The following ZC3H11A variants were observed in gnomAD, a reference collection of about 807,000 sequenced individuals.
ZC3H11A encodes the protein zinc finger CCCH-type containing 11A.
A neutral mutation model predicts 90.8 loss-of-function variants in ZC3H11A; 22 were observed. That is an observed-to-expected ratio of 0.24 (90% CI 0.17 to 0.35). The LOEUF is 0.35. ZC3H11A is among the 10% of genes least tolerant of loss of function. The pLI, the probability that ZC3H11A is intolerant of heterozygous loss-of-function variation, is 1.00. For missense variants in ZC3H11A, 701 were observed against 964.9 expected (o/e 0.73, Z 3.62); for synonymous variants, 294 against 339.8 (o/e 0.87, Z 1.48).
chr1:203,797,198 C>T, intron 1 of ZC3H11A: 1 of 176,590 alleles, frequency 5.7e-6, no homozygotes, highest in Non-Finnish European at 1.2e-5. Flanking sequence ...TGGCTTCTAG[C>T]TGCTACTAAC....
rs562423944 is a variant in ZC3H11A, at chr1:203,828,253, C to T, written c.175-46C>T. 8.3e-5 allele frequency: 134 copies of T among 1,610,350 alleles called. 1 individual carries two copies. The South Asian group carries it at 1.3e-3, about 16-fold the overall frequency. ...GAAAACAAACTGCCACATGAATATA[C>T]GTATCACTGTTTTATTTGAAAGCAA... On this transcript the variant is annotated intron_variant, in intron 4 of 17. Coordinates refer to ENST00000367210, the MANE Select transcript of ZC3H11A (RefSeq NM_001376342.1).
chr1:203,802,839 T>C lies in ZC3H11A; in HGVS notation c.-323T>C, dbSNP rs1670965273. ...ATCTCCCAGTAGTTGGGAGATGTTT[T>C]AAAAACACATGCTGTGTTTGAATTG... On this transcript the variant is annotated 5_prime_UTR_variant, in exon 2 of 18. It removes the in-frame stop codon of an upstream open reading frame in the 5' UTR. Coordinates refer to ENST00000367210, the MANE Select transcript of ZC3H11A (RefSeq NM_001376342.1). 6.6e-6 allele frequency: 1 copy of C among 152,522 alleles called. No individual in the cohort carries two copies. The highest frequency in any genetic ancestry group is 6.6e-5 in the Admixed American group (1 of 15,250). 9.4% of individuals were successfully genotyped at this position (152,522 alleles called of 1,614,324 possible).
chr1:203,816,029 C>T (rs142983012), intron 2 of ZC3H11A, among the ~76,000 whole-genome samples: 16 of 152,234 alleles, frequency 1.1e-4, no homozygotes, highest in Non-Finnish European at 1.9e-4. Context: ...CACCTCTAGT[C>T]GTCTTCATTA....
intron 1 of ZC3H11A, chr1:203,798,633 C>G (rs1404128284): frequency 6.5e-7 from 1 of 1,535,956 alleles, no homozygotes; most frequent in South Asian, 1.2e-5. Context: ...TTCAGATGAA[C>G]CTATGTTAGA....
rs548058070 is a variant in ZC3H11A at position 203,842,355 on chromosome 1, G to A, written c.1042+1981G>A. Among the ~76,000 whole-genome samples, 456 of 152,280 alleles carry A rather than the reference G, an allele frequency of 3.0e-3. 2 individuals carry two copies. The highest frequency in any genetic ancestry group is 9.9e-3 in the African/African-American group (410 of 41,560). ...ACTCCGTCTGCAATCCCGGCACCTC[G>A]GGAGGCTGAGGCAGGCAGATCACTC... On this transcript the variant is annotated intron_variant, in intron 12 of 17. Coordinates refer to ENST00000367210, the MANE Select transcript of ZC3H11A (RefSeq NM_001376342.1).
chr1:203,795,845 G>C (rs1467314574), intron 1 of ZC3H11A, 51 bp downstream of exon 1: 1 of 151,978 alleles, frequency 6.6e-6, no homozygotes, highest in Non-Finnish European at 1.5e-5. Context: ...CCGGGGAGGT[G>C]GGGGAGAGGG....
At position 203,815,758 on chromosome 1, in the gene ZC3H11A, T is replaced by C. The variant is rs548154057; in HGVS notation, c.-145-1168T>C. On this transcript the variant is annotated intron_variant, in intron 2 of 17. Transcript: ENST00000367210. ...CATTAGGAATTATTAGTGGGAGATA[T>C]GACTGAATTTGATTTAATTGATTTC... Among the ~76,000 whole-genome samples, 32 of 152,282 alleles carry C rather than the reference T, an allele frequency of 2.1e-4. 1 individual carries two copies. Among genetic ancestry groups the C allele is most frequent in the Admixed American group, 3.9e-4 (6 of 15,288 alleles).
chr1:203,827,488 GGCT>G (rs1680918643), intron 4 of ZC3H11A, among the ~76,000 whole-genome samples: 1 of 151,638 alleles, frequency 6.6e-6, no homozygotes, highest in African/African-American at 2.4e-5. Context: ...AGACCATCCT[GGCT>G]AACATGGTAA....
intron 2 of ZC3H11A, among the ~76,000 whole-genome samples, chr1:203,814,569 G>A (rs977146854): frequency 2.6e-5 from 4 of 151,440 alleles, no homozygotes; most frequent in Non-Finnish European, 5.9e-5. Flanking sequence ...CCAATAACAC[G>A]ATCCTAATTT....
intron 12 of ZC3H11A, among the ~76,000 whole-genome samples, chr1:203,843,077 A>G (rs1686918028): frequency 6.6e-6 from 1 of 152,172 alleles, no homozygotes; most frequent in Non-Finnish European, 1.5e-5. Flanking sequence ...TTAGCATCAT[A>G]AAAAGGGAGT....
intron 11 of ZC3H11A, among the ~76,000 whole-genome samples, chr1:203,839,915 T>C (rs1360384142): frequency 6.6e-6 from 1 of 152,118 alleles, no homozygotes; most frequent in Non-Finnish European, 1.5e-5. Context: ...ACGATTCTCC[T>C]GTCTCAGCCT....
At chr1:203,850,387 G>T in intron 15 of ZC3H11A, 128 bp from the exon 16 acceptor site, 5 of 1,413,422 alleles carry the variant, frequency 3.5e-6, no homozygotes, top group Non-Finnish European at 5.0e-6. Flanking sequence ...ATCGTTTTCA[G>T]TCTCTTTTTA....
intron 1 of ZC3H11A, chr1:203,797,515 T>G (rs1273996087): frequency 6.7e-7 from 1 of 1,487,036 alleles, no homozygotes. Flanking sequence ...TGTGGAGACA[T>G]AAAGAGAATG....
At chr1:203,819,638 G>A (rs576810596) in intron 4 of ZC3H11A, among the ~76,000 whole-genome samples, 2 of 148,340 alleles carry the variant, frequency 1.3e-5, no homozygotes, top group African/African-American at 2.5e-5. Context: ...TAGTTCAAGC[G>A]GTTCTCCTGC....
chr1:203,833,925 C>A, intron 10 of ZC3H11A, 72 bp downstream of exon 10: 1 of 1,529,328 alleles, frequency 6.5e-7, no homozygotes. Flanking sequence ...TCTCCAAACT[C>A]TTTTTATACA....
chr1:203,818,716 A>G (rs1677190992), intron 4 of ZC3H11A, 27 bp downstream of exon 4: 2 of 1,613,784 alleles, frequency 1.2e-6, no homozygotes, highest in Non-Finnish European at 1.7e-6. Context: ...CGTTATCATA[A>G]TAAGTAGTCT....
intron 9 of ZC3H11A, among the ~76,000 whole-genome samples, chr1:203,833,576 G>C (rs1185343244): frequency 6.9e-6 from 1 of 145,650 alleles, no homozygotes; most frequent in Admixed American, 6.9e-5. Flanking sequence ...TATTGCTTCT[G>C]TTTAGGCTGT....
chr1:203,844,409 T>C (rs1687325899), intron 12 of ZC3H11A, among the ~76,000 whole-genome samples: 1 of 152,220 alleles, frequency 6.6e-6, no homozygotes, highest in Non-Finnish European at 1.5e-5. Flanking sequence ...CCTCAAGTGA[T>C]CTGCCTGCCT....
At chr1:203,800,894 C>G (rs779405864) in intron 1 of ZC3H11A, 1 of 153,050 alleles carries the variant, frequency 6.5e-6, no homozygotes, top group Non-Finnish European at 1.5e-5. Context: ...TCCTTAAAAA[C>G]CCTGATGCTT....
Sources: allele counts gnomAD v4.1 joint callset (sites outside exome capture counted in the v4.1 genomes callset), GRCh38; gene constraint gnomAD v4.1.1; transcripts MANE v1.5; gene names NCBI Gene and HGNC (gene_info 2026-07-23, HGNC 2026-07-21).